Variants in CSTL1 observed in about 807,000 individuals in gnomAD.
CSTL1 encodes the protein cystatin like 1, also known as cystatin-like 1.
In CSTL1, 14 loss-of-function variants were observed where a neutral mutation model predicts 14.4. The observed-to-expected ratio is 0.97, with a 90% CI of 0.64 to 1.52. The LOEUF (loss-of-function observed/expected upper bound fraction) is 1.52, where lower values mean the gene tolerates loss of function less well. CSTL1 is among the 40% of genes most tolerant of loss of function. CSTL1 has a pLI of 0.00. For synonymous variants in CSTL1, 72 were observed against 67.5 expected, an observed-to-expected ratio of 1.07 and a Z score of -0.33; for missense variants, 170 against 168.7, an observed-to-expected ratio of 1.01 and a Z score of -0.04.
In CSTL1 at chr20:23,444,919, T is replaced by G; in HGVS notation, c.*41T>G. 7.5e-7 allele frequency: 1 copy of G among 1,336,860 alleles called. No homozygotes were observed. Among genetic ancestry groups the G allele is most frequent in the Non-Finnish European group, 1.1e-6 (1 of 927,506 alleles). 82.8% of individuals were successfully genotyped at this position (1,336,860 alleles called of 1,614,324 possible). On this transcript the variant is annotated 3_prime_UTR_variant, in exon 4 of 4. Transcript: ENST00000347397. ...AGTTGTGCACTGGCTGTTATTAAAC[T>G]GTAAAGGATCATGTCTCCCTCATTG...
the CSTL1 span, among the ~76,000 whole-genome samples, chr20:23,453,081 A>C: frequency 1.3e-5 from 2 of 151,508 alleles, no homozygotes; most frequent in Admixed American, 1.3e-4. Context: ...CCTCAGCAAC[A>C]CACAGGCTTC....
the CSTL1 span, among the ~76,000 whole-genome samples, chr20:23,453,780 AG>A: frequency 6.6e-6 from 1 of 152,156 alleles, no homozygotes; most frequent in Non-Finnish European, 1.5e-5. Flanking sequence ...ATGTGCCTCC[AG>A]GGGATGCCAG....
chr20:23,447,914 A>T (rs959518260), downstream of CSTL1, among the ~76,000 whole-genome samples: 3 of 152,204 alleles, frequency 2.0e-5, no homozygotes, highest in African/African-American at 7.2e-5. Context: ...TTATCGATTT[A>T]AATCTTGTTC....
the CSTL1 span, among the ~76,000 whole-genome samples, chr20:23,450,176 T>A: frequency 1.3e-5 from 2 of 152,176 alleles, no homozygotes; most frequent in Non-Finnish European, 2.9e-5. Context: ...ATTCTGCTTC[T>A]CAGTTTCTCC....
At chr20:23,444,501 C>T (rs559002611) in intron 3 of CSTL1, among the ~76,000 whole-genome samples, 54 of 152,342 alleles carry the variant, frequency 3.5e-4, no homozygotes, top group Middle Eastern at 3.4e-3. Context: ...TCCTTGCTGG[C>T]CTGCCTGGCC....
At chr20:23,444,385 C>A (rs1376087585) in intron 3 of CSTL1, among the ~76,000 whole-genome samples, 3 of 152,234 alleles carry the variant, frequency 2.0e-5, no homozygotes, top group Non-Finnish European at 2.9e-5. Flanking sequence ...CCTCCTTGTT[C>A]CCTTCTATTT....
chr20:23,444,881 G>T lies in CSTL1; in HGVS notation c.*3G>T, dbSNP rs772074065. On this transcript the variant is annotated 3_prime_UTR_variant, in exon 4 of 4. Transcript: ENST00000347397. The stretch of plus-strand genomic sequence containing the variant: ...ATGTGGGCAGAAACCTCAGATGAGG[G>T]CTCATATGATTGAGTTGTGCACTGG... The T allele has an allele frequency of 6.3e-7, 1 of 1,591,264 alleles. No homozygotes were observed. The highest frequency in any genetic ancestry group is 1.7e-5 in the Admixed American group (1 of 59,982).
At chr20:23,457,040 C>T in the CSTL1 span, among the ~76,000 whole-genome samples, 6 of 152,168 alleles carry the variant, frequency 3.9e-5, no homozygotes, top group Admixed American at 6.5e-5. Context: ...GGTTAGGATG[C>T]GGACATCTCG....
the CSTL1 span, chr20:23,452,770 G>C: frequency 6.2e-7 from 1 of 1,614,136 alleles, no homozygotes; most frequent in Non-Finnish European, 8.5e-7. Flanking sequence ...TCAATAGAAT[G>C]GCCAACAGGA....
downstream of CSTL1, among the ~76,000 whole-genome samples, chr20:23,448,506 T>C (rs1169258782): frequency 6.6e-6 from 1 of 152,202 alleles, no homozygotes; most frequent in Non-Finnish European, 1.5e-5. Context: ...TTGTGATATT[T>C]TTCTGTGATG....
chr20:23,441,248 T>C (rs2123311084), intron 2 of CSTL1, among the ~76,000 whole-genome samples: 1 of 152,314 alleles, frequency 6.6e-6, no homozygotes, highest in Non-Finnish European at 1.5e-5. Context: ...TTCTGTGTTA[T>C]ACAAACTTCA....
downstream of CSTL1, among the ~76,000 whole-genome samples, chr20:23,449,243 C>A (rs555042668): frequency 6.6e-6 from 1 of 152,274 alleles, no homozygotes; most frequent in African/African-American, 2.4e-5. Flanking sequence ...TGTGCACCGT[C>A]TCTGCCGCTT....
At chr20:23,446,342 G>A (rs1182610317), downstream of CSTL1, among the ~76,000 whole-genome samples, 2 of 151,472 alleles carry the variant, frequency 1.3e-5, no homozygotes, top group African/African-American at 2.4e-5. Flanking sequence ...TGCAGTCTCC[G>A]CCTCCCAGGT....
downstream of CSTL1, chr20:23,445,039 T>C: frequency 1.5e-6 from 1 of 648,556 alleles, no homozygotes; most frequent in East Asian, 2.8e-5. Context: ...ACACACACAA[T>C]GCTCATACTC....
At chr20:23,447,122 T>C (rs77835788), downstream of CSTL1, among the ~76,000 whole-genome samples, 77 of 152,314 alleles carry the variant, frequency 5.1e-4, 1 homozygote, top group East Asian at 0.013. Context: ...GGCAACTTTT[T>C]CTCCACTTTA....
the CSTL1 span, among the ~76,000 whole-genome samples, chr20:23,451,474 AG>A: frequency 6.6e-6 from 1 of 152,144 alleles, no homozygotes; most frequent in Non-Finnish European, 1.5e-5. Flanking sequence ...GTTGACTCTG[AG>A]GTATTCAGTC....
chr20:23,450,625 G>T, the CSTL1 span: 64 of 1,527,020 alleles, frequency 4.2e-5, no homozygotes, highest in Non-Finnish European at 5.5e-5. Context: ...TTTAAAAGAC[G>T]CCAGGTGAAA....
At chr20:23,447,541 T>C (rs1313036552), downstream of CSTL1, among the ~76,000 whole-genome samples, 1 of 151,806 alleles carries the variant, frequency 6.6e-6, no homozygotes, top group East Asian at 1.9e-4. Context: ...CGATCTTGGC[T>C]CTGCCTCCCA....
chr20:23,459,486 T>C, the CSTL1 span: 1 of 152,220 alleles, frequency 6.6e-6, no homozygotes, highest in African/African-American at 2.4e-5. Context: ...TCATTTGTTA[T>C]TTTCTGTATT....
Sources: allele counts gnomAD v4.1 joint callset (sites outside exome capture counted in the v4.1 genomes callset), GRCh38; gene constraint gnomAD v4.1.1; transcripts MANE v1.5; gene names NCBI Gene and HGNC (gene_info 2026-07-23, HGNC 2026-07-21).